TNFRSF17: variants seen among roughly 807,000 people sequenced by gnomAD.
TNFRSF17 encodes the protein tumor necrosis factor receptor superfamily member 17.
In TNFRSF17, 13 loss-of-function variants were observed where a neutral mutation model predicts 9.9. The ratio of observed to expected loss-of-function variants is 1.31; its 90% CI spans 0.85 to 2.08. The LOEUF (loss-of-function observed/expected upper bound fraction) is 2.08, where lower values mean the gene tolerates loss of function less well. Ranked by LOEUF, TNFRSF17 falls within the 30% of genes most tolerant of loss-of-function variation. The probability of loss-of-function intolerance (pLI) is 0.00; values close to 1 mark genes in which losing one functional copy is unlikely to be tolerated. For missense variants in TNFRSF17, 305 were observed against 225.8 expected, an observed-to-expected ratio of 1.35 and a Z score of -2.25; for synonymous variants, 99 against 83.7, an observed-to-expected ratio of 1.18 and a Z score of -1.00.
Position 11,967,736 on chromosome 16 carries a change from T to A in TNFRSF17, c.444T>A (p.Ala148=). The change falls in exon 3 of 3, where the codon GCT becomes GCA. Residue 148 remains alanine, a synonymous_variant. Transcript: ENST00000053243. ...VDSDHCFPLP[A]MEEGATILVT... ...CTGACCATTGCTTTCCACTCCCAGCTATGGAGGAAGGCGCAACCATTCTTG... is the reference window on the plus strand; with the variant it reads ...CTGACCATTGCTTTCCACTCCCAGCAATGGAGGAAGGCGCAACCATTCTTG... The A allele has an allele frequency of 6.2e-7, 1 of 1,614,206 alleles. No individual in the cohort carries two copies. The highest frequency in any genetic ancestry group is 1.6e-4 in the Middle Eastern group (1 of 6,062).
intron 1 of TNFRSF17, 37 bp from the exon 2 acceptor site, chr16:11,966,158 A>G (rs1172661259): frequency 6.4e-7 from 1 of 1,565,878 alleles, no homozygotes; most frequent in Non-Finnish European, 8.7e-7. Context: ...ATATTATGTT[A>G]TCAGCTCATT....
rs183187632 is a variant in TNFRSF17 at position 11,967,658 on chromosome 16, G to T, written c.366G>T (p.Thr122=). The change falls in exon 3 of 3, where the codon ACG becomes ACT. Residue 122 remains threonine (T), a synonymous_variant. Transcript: ENST00000053243. ...TTCTTCCGAGAGGCCTCGAGTACACGGTGGAAGAATGCACCTGTGAAGACT... is the reference window on the plus strand; with the variant it reads ...TTCTTCCGAGAGGCCTCGAGTACACTGTGGAAGAATGCACCTGTGAAGACT... ...EIILPRGLEY[T]VEECTCEDCI... 91 of 1,614,034 alleles carry T rather than the reference G, an allele frequency of 5.6e-5. No homozygotes were observed. Among genetic ancestry groups the T allele is most frequent in the Non-Finnish European group, 7.5e-5 (89 of 1,180,046 alleles).
Position 11,967,781 on chromosome 16 carries a change from C to G in TNFRSF17, c.489C>G (p.Asp163Glu). The change falls in exon 3 of 3, where the codon GAC becomes GAG. Residue 163 changes from aspartate to glutamate, a missense_variant. Transcript: ENST00000053243. ...ATILVTTKTNDYCKSLPAALS... is the reference protein window; with the variant it reads ...ATILVTTKTNEYCKSLPAALS... Reference sequence around the variant, plus strand: ...TTCTTGTCACCACGAAAACGAATGACTATTGCAAGAGCCTGCCAGCTGCTT... The same window carrying G: ...TTCTTGTCACCACGAAAACGAATGAGTATTGCAAGAGCCTGCCAGCTGCTT... The G allele has an allele frequency of 6.2e-7, 1 of 1,614,204 alleles. No homozygotes were observed. Among genetic ancestry groups the G allele is most frequent in the Non-Finnish European group, 8.5e-7 (1 of 1,180,046 alleles).
Position 11,965,241 on chromosome 16 carries a change from C to A in TNFRSF17, c.-84C>A. 1 of 1,559,180 alleles carries A rather than the reference C, an allele frequency of 6.4e-7. No individual in the cohort carries two copies. Among genetic ancestry groups the A allele is most frequent in the Admixed American group, 1.8e-5 (1 of 56,358 alleles). The stretch of plus-strand genomic sequence containing the variant: ...CTCAACATTCTAGCTGCTCTTGCTG[C>A]ATTTGCTCTGGAATTCTTGTAGAGA... On this transcript the variant is annotated 5_prime_UTR_variant, in exon 1 of 3. Transcript: ENST00000053243.
chr16:11,967,439 G>A, intron 2 of TNFRSF17, 131 bp from the exon 3 acceptor site: 1 of 926,266 alleles, frequency 1.1e-6, no homozygotes, highest in Non-Finnish European at 1.6e-6. Flanking sequence ...GGGCAACACA[G>A]TAAGACCCCA....
rs74008646 is a variant in TNFRSF17, at chr16:11,967,963, C to G, written c.*116C>G. The G allele has an allele frequency of 5.4e-4, 641 of 1,186,272 alleles. 1 individual carries two copies. The African/African-American group carries it at 8.8e-3, about 16-fold the overall frequency. The allele number at this position is 1,186,272 out of a possible 1,614,324, so 73.5% of individuals were successfully genotyped here. On this transcript the variant is annotated 3_prime_UTR_variant, in exon 3 of 3. Coordinates refer to ENST00000053243, the MANE Select transcript of TNFRSF17 (RefSeq NM_001192.3). ...AGTTGCCGATACAGCTTTTTGTCCTCTAACTGTGGAAACTCTTTATGTTAG... is the reference window on the plus strand; with the variant it reads ...AGTTGCCGATACAGCTTTTTGTCCTGTAACTGTGGAAACTCTTTATGTTAG...
chr16:11,965,952 A>G (rs549383916), intron 1 of TNFRSF17, among the ~76,000 whole-genome samples: 2 of 152,270 alleles, frequency 1.3e-5, no homozygotes, highest in East Asian at 3.9e-4. Flanking sequence ...TCTACTAAAA[A>G]TACAAAAAAT....
At chr16:11,966,454 A>G (rs2055195070) in intron 2 of TNFRSF17, 113 bp downstream of exon 2, 2 of 1,104,940 alleles carry the variant, frequency 1.8e-6, no homozygotes, top group Non-Finnish European at 2.6e-6. Flanking sequence ...GCCCTTTCGA[A>G]TGTGTTAGAA....
Position 11,966,209 on chromosome 16 carries a change from G to A in TNFRSF17, c.145G>A (p.Val49Met), listed in dbSNP as rs575347463. Reference sequence around the variant, plus strand: ...TTTTCATAAAGGTGTGACCAATTCAGTGAAAGGAACGAATGCGATTCTCTG... The same window carrying A: ...TTTTCATAAAGGTGTGACCAATTCAATGAAAGGAACGAATGCGATTCTCTG... ...RYCNASVTNS[V>M]KGTNAILWTC... The change falls in exon 2 of 3, where the codon GTG becomes ATG. Residue 49 changes from valine (V) to methionine (M), a missense_variant. Val to Met is a conservative substitution (Grantham distance 21). Coordinates refer to ENST00000053243, the MANE Select transcript of TNFRSF17 (RefSeq NM_001192.3). The A allele has an allele frequency of 6.2e-7, 1 of 1,613,086 alleles. No homozygotes were observed. Among genetic ancestry groups the A allele is most frequent in the Non-Finnish European group, 8.5e-7 (1 of 1,179,538 alleles).
chr16:11,965,419 C>A lies in TNFRSF17; in HGVS notation c.95C>A (p.Thr32Asn). The A allele has an allele frequency of 6.2e-7, 1 of 1,614,048 alleles. No homozygotes were observed. The highest frequency in any genetic ancestry group is 8.5e-7 in the Non-Finnish European group (1 of 1,179,956). ...IPCQLRCSSN[T>N]PPLTCQRYCN... ...TGTCAACTTCGATGTTCTTCTAATACTCCTCCTCTAACATGTCAGCGTTAT... is the reference window on the plus strand; with the variant it reads ...TGTCAACTTCGATGTTCTTCTAATAATCCTCCTCTAACATGTCAGCGTTAT... Residue 32 changes from threonine (T) to asparagine (N), a missense_variant, in exon 1 of 3, where the codon ACT (threonine) becomes AAT (asparagine). Coordinates refer to ENST00000053243, the MANE Select transcript of TNFRSF17 (RefSeq NM_001192.3).
intron 1 of TNFRSF17, 127 bp downstream of exon 1, chr16:11,965,581 C>A: frequency 1.0e-6 from 1 of 976,172 alleles, no homozygotes; most frequent in Non-Finnish European, 1.5e-6. Flanking sequence ...AGAAAGGAAG[C>A]AAGGCAGTGA....
rs1190875567 is a variant in TNFRSF17, at chr16:11,967,712, T to G, written c.420T>G (p.Ser140=). The G allele has an allele frequency of 6.2e-7, 1 of 1,614,090 alleles. No individual in the cohort carries two copies. Among genetic ancestry groups the G allele is most frequent in the African/African-American group, 1.3e-5 (1 of 74,934 alleles). ...DCIKSKPKVD[S]DHCFPLPAME... ...TCAAGAGCAAACCGAAGGTCGACTC[T>G]GACCATTGCTTTCCACTCCCAGCTA... The change falls in exon 3 of 3, where the codon TCT becomes TCG. Residue 140 remains serine, a synonymous_variant. Coordinates refer to ENST00000053243, the MANE Select transcript of TNFRSF17 (RefSeq NM_001192.3).
At position 11,966,278 on chromosome 16, in the gene TNFRSF17, G is replaced by A. The variant is rs146604927; in HGVS notation, c.214G>A (p.Val72Met). ...LSLIISLAVF[V>M]LMFLLRKINS... ...CTTAATAATTTCTTTGGCAGTTTTC[G>A]TGCTAATGTTTTTGCTAAGGAAGAT... The change falls in exon 2 of 3, where the codon GTG becomes ATG. Residue 72 changes from valine to methionine, a missense_variant. Physicochemically the swap from Val to Met is conservative, Grantham distance 21 (BLOSUM62 1). Transcript: ENST00000053243. The A allele has an allele frequency of 1.6e-5, 26 of 1,613,862 alleles. No homozygotes were observed. The highest frequency in any genetic ancestry group is 4.5e-5 in the East Asian group (2 of 44,880).
chr16:11,965,899 C>T (rs998304371), intron 1 of TNFRSF17, among the ~76,000 whole-genome samples: 12 of 152,082 alleles, frequency 7.9e-5, no homozygotes, highest in African/African-American at 9.7e-5. Context: ...CACCTGAGGT[C>T]GGCAGTTTGA....
chr16:11,966,576 T>C (rs185373661), intron 2 of TNFRSF17, among the ~76,000 whole-genome samples: 9 of 152,314 alleles, frequency 5.9e-5, no homozygotes, highest in African/African-American at 1.7e-4. Flanking sequence ...CACTGTTAAT[T>C]ACTCTATTGA....
chr16:11,967,881 A>G lies in TNFRSF17; in HGVS notation c.*34A>G, dbSNP rs1047874016. ...TTCGACTCGAGCAGTGCCACTTTAA[A>G]AATCTTTTGTCAGAATAGATGATGT... On this transcript the variant is annotated 3_prime_UTR_variant, in exon 3 of 3. Transcript: ENST00000053243. The G allele has an allele frequency of 1.9e-6, 3 of 1,599,966 alleles. No individual in the cohort carries two copies. The African/African-American group carries it at 4.0e-5, about 21-fold the overall frequency.
rs2055205968 is a variant in TNFRSF17, at chr16:11,967,651, A to G, written c.359A>G (p.Glu120Gly). Residue 120 changes from glutamate to glycine, a missense_variant, in exon 3 of 3, where the codon GAG (glutamate) becomes GGG (glycine). Transcript: ENST00000053243. ...GAAATTATTCTTCCGAGAGGCCTCG[A>G]GTACACGGTGGAAGAATGCACCTGT... The part of the protein sequence containing the change: ...GDEIILPRGL[E>G]YTVEECTCED... The G allele has an allele frequency of 1.2e-6, 2 of 1,614,182 alleles. No individual in the cohort carries two copies. The highest frequency in any genetic ancestry group is 4.5e-5 in the East Asian group (2 of 44,882).
At position 11,967,708 on chromosome 16, in the gene TNFRSF17, A is replaced by G; in HGVS notation, c.416A>G (p.Asp139Gly). 1.9e-6 allele frequency: 3 copies of G among 1,614,122 alleles called. No homozygotes were observed. The highest frequency in any genetic ancestry group is 2.5e-6 in the Non-Finnish European group (3 of 1,180,024). The change falls in exon 3 of 3, where the codon GAC becomes GGC. Residue 139 changes from aspartate (D) to glycine (G), a missense_variant. Asp to Gly is a moderately conservative substitution (Grantham distance 94). Transcript: ENST00000053243. ...EDCIKSKPKV[D>G]SDHCFPLPAM... is the part of the protein sequence containing the mutation. ...TGCATCAAGAGCAAACCGAAGGTCG[A>G]CTCTGACCATTGCTTTCCACTCCCA...
intron 1 of TNFRSF17, 140 bp downstream of exon 1, chr16:11,965,594 TTAA>T (rs2055187156): frequency 1.1e-6 from 1 of 870,058 alleles, no homozygotes; most frequent in African/African-American, 1.7e-5. Context: ...GGCAGTGATT[TTAA>T]TGTTTATGGA....
Sources: allele counts gnomAD v4.1 joint callset (sites outside exome capture counted in the v4.1 genomes callset), GRCh38; gene constraint gnomAD v4.1.1; transcripts MANE v1.5; gene names NCBI Gene and HGNC (gene_info 2026-07-23, HGNC 2026-07-21).